The following SLC8A1 variants were observed in gnomAD, a reference collection of about 807,000 sequenced individuals.
The protein encoded by SLC8A1 is sodium/calcium exchanger 1.
Under a neutral mutation model 68.3 loss-of-function variants are expected in SLC8A1, and 18 were observed. The observed-to-expected ratio is 0.26, with a 90% CI of 0.18 to 0.39. The LOEUF (loss-of-function observed/expected upper bound fraction) is 0.39, where lower values mean the gene tolerates loss of function less well. Among genes scored for constraint, SLC8A1 ranks in the 10% least tolerant of loss-of-function variants. The probability of loss-of-function intolerance (pLI) is 1.00; values close to 1 mark genes in which losing one functional copy is unlikely to be tolerated. For missense variants in SLC8A1, 985 were observed against 1,156.7 expected, an observed-to-expected ratio of 0.85 and a Z score of 2.15; for synonymous variants, 475 against 415.5, an observed-to-expected ratio of 1.14 and a Z score of -1.74.
intron 1 of SLC8A1, among the ~76,000 whole-genome samples, chr2:40,433,100 G>A (rs746158016): frequency 6.6e-6 from 1 of 152,012 alleles, no homozygotes; most frequent in Admixed American, 6.6e-5. Context: ...CTGCCAAATC[G>A]CATCATTCCA....
intron 2 of SLC8A1, among the ~76,000 whole-genome samples, chr2:40,397,587 C>A (rs532482903): frequency 4.6e-5 from 7 of 152,152 alleles, no homozygotes; most frequent in African/African-American, 1.7e-4. Context: ...ATTTGCCGAG[C>A]CTGACCGTTC....
At chr2:40,178,121 G>C (rs2048803628) in intron 2 of SLC8A1, among the ~76,000 whole-genome samples, 1 of 152,224 alleles carries the variant, frequency 6.6e-6, no homozygotes. Flanking sequence ...GCATGGCATT[G>C]CATGGCATCT....
At chr2:40,387,043 G>A (rs771523471) in intron 2 of SLC8A1, among the ~76,000 whole-genome samples, 3 of 151,330 alleles carry the variant, frequency 2.0e-5, no homozygotes, top group African/African-American at 4.9e-5. Context: ...AATTGTACAT[G>A]AGCATAACAA....
exon 8 of SLC8A1, chr2:40,109,845 C>G (rs2125049336): frequency 6.6e-6 from 1 of 152,210 alleles, no homozygotes; most frequent in Non-Finnish European, 1.5e-5. Flanking sequence ...ACATTGATAA[C>G]AGATAGACAA....
chr2:40,127,591 C>T (rs892300339), intron 7 of SLC8A1, among the ~76,000 whole-genome samples: 9 of 152,102 alleles, frequency 5.9e-5, no homozygotes, highest in African/African-American at 1.9e-4. Flanking sequence ...TATGATTAAT[C>T]CTCTGGTGGG....
chr2:40,501,486 G>C (rs1706055496), intron 1 of SLC8A1, among the ~76,000 whole-genome samples: 2 of 152,020 alleles, frequency 1.3e-5, no homozygotes, highest in African/African-American at 2.4e-5. Context: ...TGGATATTTT[G>C]ATTCACAAGC....
exon 2 of SLC8A1, chr2:40,429,087 A>T (rs1380027621): frequency 6.2e-7 from 1 of 1,613,042 alleles, no homozygotes; most frequent in Non-Finnish European, 8.5e-7. Flanking sequence ...CAGTCACTTC[A>T]GTGTTGACCT....
chr2:40,288,643 T>C (rs2068727453), intron 2 of SLC8A1, among the ~76,000 whole-genome samples: 1 of 151,970 alleles, frequency 6.6e-6, no homozygotes, highest in African/African-American at 2.4e-5. Context: ...TTCATGTTGG[T>C]GGCTAGAAAT....
intron 2 of SLC8A1, among the ~76,000 whole-genome samples, chr2:40,424,819 C>T (rs1253352414): frequency 1.3e-5 from 2 of 151,752 alleles, no homozygotes; most frequent in African/African-American, 4.8e-5. Flanking sequence ...TATTGCTGGG[C>T]TATAACTAAT....
At chr2:40,197,648 T>C (rs1036791427) in intron 2 of SLC8A1, among the ~76,000 whole-genome samples, 2 of 151,956 alleles carry the variant, frequency 1.3e-5, no homozygotes, top group African/African-American at 4.8e-5. Flanking sequence ...TTATAAGGAC[T>C]CTAAAGGAAA....
chr2:40,260,033 A>C (rs535698739), intron 2 of SLC8A1, among the ~76,000 whole-genome samples: 1 of 152,366 alleles, frequency 6.6e-6, no homozygotes, highest in African/African-American at 2.4e-5. Context: ...TTACAAGTAC[A>C]GTGTGAACAA....
chr2:40,338,667 A>G (rs1181336232), intron 2 of SLC8A1, among the ~76,000 whole-genome samples: 2 of 152,224 alleles, frequency 1.3e-5, no homozygotes, highest in Admixed American at 6.5e-5. Flanking sequence ...ATAAGTGACA[A>G]CAAAACAAGT....
At chr2:40,424,179 C>G (rs962073753) in intron 2 of SLC8A1, among the ~76,000 whole-genome samples, 2 of 151,798 alleles carry the variant, frequency 1.3e-5, no homozygotes, top group South Asian at 2.1e-4. Flanking sequence ...GATATTTTTT[C>G]TAATATTTTT....
chr2:40,269,470 A>G (rs2065754982), intron 2 of SLC8A1, among the ~76,000 whole-genome samples: 1 of 152,238 alleles, frequency 6.6e-6, no homozygotes, highest in African/African-American at 2.4e-5. Context: ...AGGTAGCGAA[A>G]AAGTTAGTAG....
chr2:40,263,273 T>C (rs2149102208), intron 2 of SLC8A1, among the ~76,000 whole-genome samples: 1 of 152,296 alleles, frequency 6.6e-6, no homozygotes, highest in East Asian at 1.9e-4. Context: ...AATACAAAAA[T>C]AATGCAGTGC....
intron 2 of SLC8A1, among the ~76,000 whole-genome samples, chr2:40,264,458 C>T (rs1338349671): frequency 1.3e-5 from 2 of 152,000 alleles, no homozygotes; most frequent in Non-Finnish European, 2.9e-5. Context: ...CCCAAATGTC[C>T]AACAATGATA....
At chr2:40,401,549 T>G (rs1205062793) in intron 2 of SLC8A1, among the ~76,000 whole-genome samples, 2 of 136,402 alleles carry the variant, frequency 1.5e-5, no homozygotes, top group Admixed American at 7.8e-5. Flanking sequence ...GAAACTAGTT[T>G]TGAATTAATA....
At chr2:40,114,206 A>C (rs2034942184) in exon 8 of SLC8A1, 1 of 152,802 alleles carries the variant, frequency 6.5e-6, no homozygotes, top group African/African-American at 2.4e-5. Flanking sequence ...TCCGAACGGC[A>C]CATGAAGAAG....
At chr2:40,319,562 G>C (rs766605827) in intron 2 of SLC8A1, among the ~76,000 whole-genome samples, 1 of 152,058 alleles carries the variant, frequency 6.6e-6, no homozygotes, top group Non-Finnish European at 1.5e-5. Context: ...AAATGATTAA[G>C]TGAATGAAAG....
Sources: gnomAD v4.1 joint callset for allele counts (sites outside exome capture counted in the v4.1 genomes callset) on GRCh38, gnomAD v4.1.1 for gene constraint, MANE v1.5 for transcripts, NCBI Gene and HGNC (gene_info 2026-07-23, HGNC 2026-07-21) for gene names.